GNA14: variants seen among roughly 807,000 people sequenced by gnomAD.
GNA14 encodes guanine nucleotide-binding protein subunit alpha-14.
A neutral mutation model predicts 42.0 loss-of-function variants in GNA14; 50 were observed. The observed-to-expected ratio is 1.19, with a 90% CI of 0.95 to 1.51. The LOEUF (loss-of-function observed/expected upper bound fraction) is 1.51. GNA14 is among the 40% of genes most tolerant of loss of function. The pLI is 0.00. For synonymous variants in GNA14, 173 were observed against 163.1 expected, an observed-to-expected ratio of 1.06 and a Z score of -0.46; for missense variants, 473 against 446.2, an observed-to-expected ratio of 1.06 and a Z score of -0.54.
At chr9:77,618,791 G>C (rs1286575062) in intron 1 of GNA14, among the ~76,000 whole-genome samples, 5 of 146,402 alleles carry the variant, frequency 3.4e-5, no homozygotes, top group Non-Finnish European at 7.5e-5. Flanking sequence ...CCGCCACTAC[G>C]CCCGGCTAAT....
intron 1 of GNA14, among the ~76,000 whole-genome samples, chr9:77,593,334 C>CTTTTTTTTTTTTT (rs59975831): frequency 7.0e-6 from 1 of 142,934 alleles, no homozygotes; most frequent in African/African-American, 2.7e-5. Flanking sequence ...CCTAACATTC[C>CTTTTTTTTTTTTT]TTTTTTTTTT....
chr9:77,550,166 G>A lies in GNA14; in HGVS notation c.125-20913C>T, dbSNP rs114788919. On this transcript the variant is annotated intron_variant, in intron 1 of 6. Coordinates refer to ENST00000341700, the MANE Select transcript of GNA14 (RefSeq NM_004297.4). ...CCCTGTCTGTGCCCTGCAAATGTAC[G>A]GTGCCTCCCTGGCTCAACATGCACT... Among the ~76,000 whole-genome samples, 759 of 152,236 alleles carry A rather than the reference G, an allele frequency of 5.0e-3. 6 individuals are homozygous for A. Among genetic ancestry groups the A allele is most frequent in the African/African-American group, 0.016 (671 of 41,534 alleles).
chr9:77,462,778 C>T (rs930197817), intron 2 of GNA14, among the ~76,000 whole-genome samples: 2 of 151,826 alleles, frequency 1.3e-5, no homozygotes, highest in Non-Finnish European at 1.5e-5. Flanking sequence ...TTCTGCCCCT[C>T]GATCCCTGAC....
chr9:77,536,274 C>G (rs940956899), intron 1 of GNA14, among the ~76,000 whole-genome samples: 4 of 152,166 alleles, frequency 2.6e-5, no homozygotes, highest in African/African-American at 9.7e-5. Context: ...GCTCAATACA[C>G]AGTTTAAGAT....
At chr9:77,426,700 C>T (rs762993166) in intron 5 of GNA14, among the ~76,000 whole-genome samples, 1 of 152,202 alleles carries the variant, frequency 6.6e-6, no homozygotes, top group Admixed American at 6.5e-5. Flanking sequence ...AAATGTTAGA[C>T]ATTGGCAAGA....
chr9:77,554,562 A>G (rs1822734059), intron 1 of GNA14, among the ~76,000 whole-genome samples: 1 of 152,224 alleles, frequency 6.6e-6, no homozygotes, highest in South Asian at 2.1e-4. Context: ...TTTTGATACT[A>G]AAGTCATCCA....
chr9:77,549,218 G>A (rs1837760731), intron 1 of GNA14, among the ~76,000 whole-genome samples: 1 of 152,210 alleles, frequency 6.6e-6, no homozygotes, highest in Admixed American at 6.5e-5. Flanking sequence ...ACAGGCGTGA[G>A]CCACCGTGCC....
chr9:77,555,851 T>C (rs1215506215), intron 1 of GNA14, among the ~76,000 whole-genome samples: 2 of 152,212 alleles, frequency 1.3e-5, no homozygotes, highest in African/African-American at 2.4e-5. Flanking sequence ...CATAACAGCA[T>C]AGATGGATCT....
chr9:77,514,094 A>C (rs1165578231), intron 2 of GNA14, among the ~76,000 whole-genome samples: 1 of 152,170 alleles, frequency 6.6e-6, no homozygotes, highest in Non-Finnish European at 1.5e-5. Context: ...AGCATGGCCA[A>C]TCCCAAGCTT....
chr9:77,618,842 C>T (rs1358208438), intron 1 of GNA14, among the ~76,000 whole-genome samples: 1 of 149,576 alleles, frequency 6.7e-6, no homozygotes, highest in Non-Finnish European at 1.5e-5. Context: ...ACCGTTTTAG[C>T]CGGGATGGTC....
chr9:77,499,629 T>C (rs1836932493), intron 2 of GNA14, among the ~76,000 whole-genome samples: 1 of 151,950 alleles, frequency 6.6e-6, no homozygotes, highest in Non-Finnish European at 1.5e-5. Flanking sequence ...GGGGGGTGGA[T>C]CAGCTGAGGC....
At chr9:77,576,594 T>C (rs528875948) in intron 1 of GNA14, among the ~76,000 whole-genome samples, 1 of 152,072 alleles carries the variant, frequency 6.6e-6, no homozygotes, top group Admixed American at 6.6e-5. Flanking sequence ...CTCTAATGAT[T>C]AGATATGGCC....
At chr9:77,490,070 T>C (rs1564029936) in intron 2 of GNA14, among the ~76,000 whole-genome samples, 3 of 151,980 alleles carry the variant, frequency 2.0e-5, no homozygotes, top group African/African-American at 4.8e-5. Context: ...AGCAGCTAGA[T>C]ACAGAGTGTC....
chr9:77,646,477 AC>A (rs1420680466), intron 1 of GNA14, among the ~76,000 whole-genome samples: 3 of 152,012 alleles, frequency 2.0e-5, no homozygotes, highest in South Asian at 4.1e-4. Context: ...GGCCCTTTAA[AC>A]CCAGGGGATA....
intron 2 of GNA14, among the ~76,000 whole-genome samples, chr9:77,525,687 C>T (rs572299465): frequency 3.3e-5 from 5 of 151,676 alleles, no homozygotes; most frequent in African/African-American, 7.3e-5. Context: ...TACAGGTACC[C>T]GCCAACACGC....
intron 1 of GNA14, among the ~76,000 whole-genome samples, chr9:77,560,923 T>A (rs1300083764): frequency 1.3e-5 from 2 of 152,178 alleles, no homozygotes; most frequent in African/African-American, 2.4e-5. Flanking sequence ...AATAGACCCA[T>A]TCCTCCTGAC....
intron 1 of GNA14, among the ~76,000 whole-genome samples, chr9:77,621,351 T>G (rs1183471562): frequency 6.6e-6 from 1 of 152,234 alleles, no homozygotes; most frequent in Non-Finnish European, 1.5e-5. Context: ...ATAATTACAT[T>G]GTAGATAGAA....
chr9:77,599,721 A>T (rs942730069), intron 1 of GNA14, among the ~76,000 whole-genome samples: 3 of 152,176 alleles, frequency 2.0e-5, no homozygotes, highest in Non-Finnish European at 4.4e-5. Context: ...CAGCGCGCTG[A>T]CATGCCGTCG....
At chr9:77,461,253 AAG>A (rs1236225086) in intron 2 of GNA14, among the ~76,000 whole-genome samples, 1 of 152,214 alleles carries the variant, frequency 6.6e-6, no homozygotes, top group Non-Finnish European at 1.5e-5. Context: ...GCATGGGAGC[AAG>A]AGAGTTTGCT....
Sources: gnomAD v4.1 joint callset for allele counts (sites outside exome capture counted in the v4.1 genomes callset) on GRCh38, gnomAD v4.1.1 for gene constraint, MANE v1.5 for transcripts, NCBI Gene and HGNC (gene_info 2026-07-23, HGNC 2026-07-21) for gene names.